The following SMAD1 variants were observed in gnomAD, a reference collection of about 807,000 sequenced individuals.
The protein encoded by SMAD1 is SMAD family member 1.
Under a neutral mutation model 41.6 loss-of-function variants are expected in SMAD1, and 6 were observed. That is an observed-to-expected ratio of 0.14 (90% confidence interval 0.08 to 0.28). The LOEUF (loss-of-function observed/expected upper bound fraction) is 0.28, where lower values mean the gene tolerates loss of function less well. Ranked by LOEUF, SMAD1 falls within the 10% of genes least tolerant of loss-of-function variation. SMAD1 has a pLI of 1.00. For synonymous variants in SMAD1, 206 were observed against 203.2 expected (o/e 1.01, Z -0.12); for missense variants, 379 against 582.6 (o/e 0.65, Z 3.60).
At chr4:145,535,847 A>T (rs1021476079) in intron 2 of SMAD1, among the ~76,000 whole-genome samples, 1 of 152,124 alleles carries the variant, frequency 6.6e-6, no homozygotes, top group Non-Finnish European at 1.5e-5. Flanking sequence ...ATAGCAACAG[A>T]TATATTCAAA....
intron 1 of SMAD1, among the ~76,000 whole-genome samples, chr4:145,512,674 GT>G (rs1157217704): frequency 6.6e-6 from 1 of 152,090 alleles, no homozygotes; most frequent in Non-Finnish European, 1.5e-5. Flanking sequence ...TTTAAAGTCT[GT>G]TTCTGGTAAC....
At position 145,557,773 on chromosome 4, in the gene SMAD1, C is replaced by T. The variant is rs893188703; in HGVS notation, c.1255-18C>T. On this transcript the variant is annotated intron_variant, in intron 6 of 6. Coordinates refer to ENST00000302085, the MANE Select transcript of SMAD1 (RefSeq NM_005900.3). ...CTGAGTTAAACAAGTTAAATGACCT[C>T]CAGTATGTTTTTCCTAGGGCTGGGG... 1.9e-6 allele frequency: 3 copies of T among 1,593,398 alleles called. No individual in the cohort carries two copies. The highest frequency in any genetic ancestry group is 1.1e-5 in the South Asian group (1 of 88,002).
rs150789068 is a variant in SMAD1 at position 145,525,289 on chromosome 4, A to G, written c.400+10276A>G. On this transcript the variant is annotated intron_variant, in intron 2 of 6. Transcript: ENST00000302085. ...AAAATGTTCTCCGGAAAGACTAAGC[A>G]TCATGACTAATAAGCATGAATTAGC... Among the ~76,000 whole-genome samples, 750 of 152,376 alleles carry G rather than the reference A, an allele frequency of 4.9e-3. 10 individuals are homozygous for G. Among genetic ancestry groups the G allele is most frequent in the African/African-American group, 0.017 (698 of 41,582 alleles).
chr4:145,522,956 C>T (rs898046395), intron 2 of SMAD1, among the ~76,000 whole-genome samples: 6 of 152,074 alleles, frequency 3.9e-5, no homozygotes, highest in Admixed American at 2.6e-4. Context: ...GGATTACAGG[C>T]GTGAGCCACC....
intron 6 of SMAD1, among the ~76,000 whole-genome samples, chr4:145,555,713 T>C (rs1464974212): frequency 6.6e-6 from 1 of 152,238 alleles, no homozygotes; most frequent in East Asian, 1.9e-4. Flanking sequence ...TGCAAAGTTA[T>C]GCATTCAAAA....
chr4:145,498,767 G>T (rs1320831438), intron 1 of SMAD1, among the ~76,000 whole-genome samples: 1 of 152,074 alleles, frequency 6.6e-6, no homozygotes, highest in Non-Finnish European at 1.5e-5. Flanking sequence ...TTCTTTTCAT[G>T]GTAGTATTGT....
At chr4:145,549,347 A>C (rs1319810880) in intron 5 of SMAD1, among the ~76,000 whole-genome samples, 3 of 152,212 alleles carry the variant, frequency 2.0e-5, no homozygotes, top group African/African-American at 7.2e-5. Context: ...ATTCTTAGGA[A>C]ATACTTAAGT....
At chr4:145,500,633 C>G (rs1382455579) in intron 1 of SMAD1, among the ~76,000 whole-genome samples, 1 of 152,110 alleles carries the variant, frequency 6.6e-6, no homozygotes, top group Non-Finnish European at 1.5e-5. Flanking sequence ...GTGTCTCTTT[C>G]AGTGCTGCGT....
At chr4:145,551,724 C>T (rs1732565773) in intron 5 of SMAD1, among the ~76,000 whole-genome samples, 1 of 152,080 alleles carries the variant, frequency 6.6e-6, no homozygotes, top group South Asian at 2.1e-4. Flanking sequence ...AAATTAGGGA[C>T]GTTTTGTTTT....
intron 2 of SMAD1, among the ~76,000 whole-genome samples, chr4:145,521,021 A>G (rs565527850): frequency 6.6e-6 from 1 of 152,344 alleles, no homozygotes; most frequent in South Asian, 2.1e-4. Flanking sequence ...GAAAGTAGAA[A>G]ATGTTAGGAA....
At chr4:145,528,094 T>C (rs866512782) in intron 2 of SMAD1, among the ~76,000 whole-genome samples, 70 of 119,798 alleles carry the variant, frequency 5.8e-4, no homozygotes, top group East Asian at 1.7e-3. Flanking sequence ...CACACACACA[T>C]ACACACACAT....
intron 1 of SMAD1, chr4:145,484,834 C>T (rs986999286): frequency 5.9e-5 from 9 of 152,124 alleles, no homozygotes; most frequent in Non-Finnish European, 7.4e-5. Flanking sequence ...TAACTTTGAT[C>T]CTTTTATTAC....
rs527521910 is a variant in SMAD1, at chr4:145,556,751, C to T, written c.1255-1040C>T. Among the ~76,000 whole-genome samples, 14 of 152,246 alleles carry T rather than the reference C, an allele frequency of 9.2e-5. No individual in the cohort carries two copies. The South Asian group carries it at 2.1e-3, about 23-fold the overall frequency. ...TGTCACCGACGCCAGAGTGCAGTGG[C>T]GTGATCTTGACTCACAACAACTTCC... On this transcript the variant is annotated intron_variant, in intron 6 of 6. Coordinates refer to ENST00000302085, the MANE Select transcript of SMAD1 (RefSeq NM_005900.3).
intron 1 of SMAD1, among the ~76,000 whole-genome samples, chr4:145,511,142 ACT>A (rs1730052363): frequency 6.6e-6 from 1 of 151,294 alleles, no homozygotes; most frequent in Admixed American, 6.6e-5. Context: ...GTTCCCCACA[ACT>A]CTCTTAGTTG....
rs143144149 is a variant in SMAD1 at position 145,496,117 on chromosome 4, G to GT, written c.-177+14089dup. On this transcript the variant is annotated intron_variant, in intron 1 of 6. Transcript: ENST00000302085. The stretch of plus-strand genomic sequence containing the variant: ...TCACTGCTGCCTTGATAAAACTCTT[G>GT]TTTTTTTTTTCATGTTCTGGGTAAG... Among the ~76,000 whole-genome samples, 1,434 of 147,258 alleles carry GT rather than the reference G, an allele frequency of 9.7e-3. 33 individuals are homozygous for GT. The highest frequency in any genetic ancestry group is 0.033 in the African/African-American group (1,325 of 40,356).
intron 1 of SMAD1, among the ~76,000 whole-genome samples, chr4:145,503,652 A>G (rs1409418893): frequency 6.6e-6 from 1 of 152,218 alleles, no homozygotes; most frequent in Non-Finnish European, 1.5e-5. Context: ...GCAGGTCCTC[A>G]GACAACCTCA....
intron 2 of SMAD1, among the ~76,000 whole-genome samples, chr4:145,531,437 T>G (rs1731312823): frequency 6.6e-6 from 1 of 152,150 alleles, no homozygotes; most frequent in Admixed American, 6.5e-5. Context: ...TGACTGGCTC[T>G]GGGGCCATTC....
At chr4:145,527,087 G>A (rs1328872377) in intron 2 of SMAD1, among the ~76,000 whole-genome samples, 1 of 152,088 alleles carries the variant, frequency 6.6e-6, no homozygotes, top group Admixed American at 6.6e-5. Flanking sequence ...TGTAATGTAA[G>A]CAACTTTTCA....
chr4:145,556,614 G>A (rs1379832903), intron 6 of SMAD1, among the ~76,000 whole-genome samples: 5 of 151,538 alleles, frequency 3.3e-5, no homozygotes, highest in Non-Finnish European at 5.9e-5. Flanking sequence ...TGTGGCCACC[G>A]CACCCAGCTA....
Sources: gnomAD v4.1 joint callset for allele counts (sites outside exome capture counted in the v4.1 genomes callset) on GRCh38, gnomAD v4.1.1 for gene constraint, MANE v1.5 for transcripts, NCBI Gene and HGNC (gene_info 2026-07-23, HGNC 2026-07-21) for gene names.